Variants in COL26A1 observed in about 807,000 individuals in gnomAD.
COL26A1 encodes collagen alpha-1(XXVI) chain.
COL26A1 carries 41 observed loss-of-function variants against 59.3 expected under a neutral mutation model. The observed-to-expected ratio is 0.69, with a 90% CI of 0.54 to 0.90. The LOEUF is 0.90. Ranked by LOEUF, COL26A1 falls within the 40% of genes least tolerant of loss-of-function variation. COL26A1 has a pLI of 0.00. For synonymous variants in COL26A1, 266 were observed against 256.0 expected, an observed-to-expected ratio of 1.04 and a Z score of -0.37; for missense variants, 612 against 602.3, an observed-to-expected ratio of 1.02 and a Z score of -0.17.
intron 2 of COL26A1, among the ~76,000 whole-genome samples, chr7:101,437,504 A>G (rs948146015): frequency 2.0e-5 from 3 of 151,594 alleles, no homozygotes; most frequent in Non-Finnish European, 2.9e-5. Context: ...AGGAGGAGGG[A>G]TGGCCAAGGT....
intron 3 of COL26A1, among the ~76,000 whole-genome samples, chr7:101,501,744 C>T (rs916144355): frequency 4.6e-5 from 7 of 152,178 alleles, no homozygotes; most frequent in Non-Finnish European, 4.4e-5. Context: ...GGTGCATGCT[C>T]ATAGAAAGTA....
At chr7:101,498,843 G>A (rs1794641734) in intron 3 of COL26A1, among the ~76,000 whole-genome samples, 1 of 152,188 alleles carries the variant, frequency 6.6e-6, no homozygotes, top group South Asian at 2.1e-4. Flanking sequence ...GTTTGCAAAG[G>A]CGAGGGAGGC....
At chr7:101,402,298 T>C (rs142086863) in intron 1 of COL26A1, among the ~76,000 whole-genome samples, 508 of 152,164 alleles carry the variant, frequency 3.3e-3, no homozygotes, top group African/African-American at 0.011. Flanking sequence ...TCAGGGATTT[T>C]CCCCCCCAAG....
In COL26A1 at chr7:101,474,792, G is replaced by A. The variant is rs58572055; in HGVS notation, c.385+27005G>A. Among the ~76,000 whole-genome samples the A allele has an allele frequency of 3.5e-3, 528 of 152,284 alleles. 3 individuals carry two copies. Among genetic ancestry groups the A allele is most frequent in the African/African-American group, 0.012 (492 of 41,562 alleles). On this transcript the variant is annotated intron_variant, in intron 3 of 12. Coordinates refer to ENST00000313669, the MANE Select transcript of COL26A1 (RefSeq NM_001278563.3). The stretch of plus-strand genomic sequence containing the variant: ...ATTTGTTTAAGTTTTATGTGACATA[G>A]GAAACTTCAGACATGAAGACCCAAA...
At chr7:101,434,085 CCTCCCTCT>C (rs1792849553) in intron 2 of COL26A1, among the ~76,000 whole-genome samples, 1 of 20,858 alleles carries the variant, frequency 4.8e-5, no homozygotes, top group Non-Finnish European at 1.1e-4. Context: ...TCCCTCCCTC[CCTCCCTCT>C]TTCTTTCTGC....
Position 101,432,043 on chromosome 7 carries a change from A to C in COL26A1, c.281+11944A>C, listed in dbSNP as rs534000378. 2.0e-5 allele frequency among the ~76,000 whole-genome samples: 3 copies of C among 149,752 alleles called. No homozygotes were observed. In the South Asian group the frequency reaches 6.3e-4, roughly 32 times the overall value. ...GAGTGCAATCTTGGCTCACTGTAAC[A>C]GTTGCCTCCTGGGTTCAAGAGATTC... On this transcript the variant is annotated intron_variant, in intron 2 of 12. Transcript: ENST00000313669.
chr7:101,476,780 CT>C (rs199665493), intron 3 of COL26A1, among the ~76,000 whole-genome samples: 3,016 of 151,430 alleles, frequency 0.02, 110 homozygotes, highest in African/African-American at 0.069. Context: ...ATCTCCTGAC[CT>C]CGTGATCCAC....
At chr7:101,405,228 T>TA (rs972796161) in intron 1 of COL26A1, among the ~76,000 whole-genome samples, 1,938 of 144,008 alleles carry the variant, frequency 0.013, 38 homozygotes, top group African/African-American at 0.043. Context: ...ACTCCGTCTC[T>TA]AAAAAAAAAA....
At chr7:101,506,379 A>G (rs1407374160) in intron 3 of COL26A1, among the ~76,000 whole-genome samples, 1 of 152,180 alleles carries the variant, frequency 6.6e-6, no homozygotes, top group African/African-American at 2.4e-5. Flanking sequence ...GCTTTATTTT[A>G]TTTTGTTTTT....
intron 1 of COL26A1, among the ~76,000 whole-genome samples, chr7:101,393,391 C>T (rs1431675310): frequency 6.6e-6 from 1 of 152,162 alleles, no homozygotes; most frequent in African/African-American, 2.4e-5. Flanking sequence ...GGGCAGGAAG[C>T]ATCCAGCACG....
intron 1 of COL26A1, among the ~76,000 whole-genome samples, chr7:101,372,204 T>G (rs1330520633): frequency 6.6e-6 from 1 of 152,004 alleles, no homozygotes; most frequent in Admixed American, 6.6e-5. Context: ...CTGGCTGTGT[T>G]GCCCAGGCTG....
intron 1 of COL26A1, among the ~76,000 whole-genome samples, chr7:101,379,046 C>T (rs985930937): frequency 6.6e-6 from 1 of 152,020 alleles, no homozygotes; most frequent in Non-Finnish European, 1.5e-5. Context: ...GATTTGGCTC[C>T]GGCTGTCTGC....
chr7:101,541,300 C>T (rs1300444310), intron 5 of COL26A1, among the ~76,000 whole-genome samples: 1 of 152,190 alleles, frequency 6.6e-6, no homozygotes, highest in Non-Finnish European at 1.5e-5. Flanking sequence ...AATTGGAGGA[C>T]ATCTGCCCCC....
chr7:101,365,443 T>C (rs1027123480), intron 1 of COL26A1, among the ~76,000 whole-genome samples: 3 of 152,092 alleles, frequency 2.0e-5, no homozygotes, highest in Admixed American at 1.3e-4. Flanking sequence ...TGTGTTTTTT[T>C]TGAGACAGAG....
chr7:101,375,673 C>T (rs911029369), intron 1 of COL26A1, among the ~76,000 whole-genome samples: 11 of 151,366 alleles, frequency 7.3e-5, no homozygotes, highest in Admixed American at 4.0e-4. Flanking sequence ...GACCCCATAT[C>T]TACAGAAGAA....
chr7:101,435,554 T>A (rs1408981968), intron 2 of COL26A1, among the ~76,000 whole-genome samples: 2 of 152,092 alleles, frequency 1.3e-5, no homozygotes, highest in African/African-American at 2.4e-5. Context: ...CTGGAGTGGA[T>A]CACAGCCCCG....
chr7:101,522,084 T>C (rs1859633), intron 3 of COL26A1, among the ~76,000 whole-genome samples: 3,068 of 152,268 alleles, frequency 0.02, 111 homozygotes, highest in African/African-American at 0.069. Flanking sequence ...TTCTTGTGCA[T>C]GCCTTTCAGT....
intron 2 of COL26A1, among the ~76,000 whole-genome samples, chr7:101,428,696 G>A (rs1051365538): frequency 6.6e-6 from 1 of 151,812 alleles, no homozygotes. Context: ...TGTGTGTGTT[G>A]AGACACAGTC....
At chr7:101,507,964 G>A (rs1044966589) in intron 3 of COL26A1, among the ~76,000 whole-genome samples, 6 of 152,086 alleles carry the variant, frequency 3.9e-5, no homozygotes, top group African/African-American at 1.2e-4. Flanking sequence ...GAAAACTGCC[G>A]TAATATATAT....
Sources: gnomAD v4.1 joint callset for allele counts (sites outside exome capture counted in the v4.1 genomes callset) on GRCh38, gnomAD v4.1.1 for gene constraint, MANE v1.5 for transcripts, NCBI Gene and HGNC (gene_info 2026-07-23, HGNC 2026-07-21) for gene names.